The following RAPGEF1 variants were observed in gnomAD, a reference collection of about 807,000 sequenced individuals.
RAPGEF1 encodes CRK SH3-binding GNRP.
Under a neutral mutation model 143.3 loss-of-function variants are expected in RAPGEF1, and 33 were observed. That is an observed-to-expected ratio of 0.23 (90% CI 0.17 to 0.31). The LOEUF (loss-of-function observed/expected upper bound fraction) is 0.31, where lower values mean the gene tolerates loss of function less well. RAPGEF1 is among the 10% of genes least tolerant of loss of function. The probability of loss-of-function intolerance (pLI) is 1.00; values close to 1 mark genes in which losing one functional copy is unlikely to be tolerated. For synonymous variants in RAPGEF1, 629 were observed against 676.5 expected, an observed-to-expected ratio of 0.93 and a Z score of 1.09; for missense variants, 1,199 against 1,645.4, an observed-to-expected ratio of 0.73 and a Z score of 4.69.
rs748330721 is a variant in RAPGEF1, at chr9:131,650,197, C to A, written c.247G>T (p.Asp83Tyr). ...AATTCTACTGCCTGCTGCTCCAGAT[C>A]CAAGGGGAGAGGGTAGCCCTCTGGT... ...FLPEGYPLPL[D>Y]LEQQAVEFMS... The change falls in exon 3 of 27, where the codon GAT becomes TAT. Residue 83 changes from aspartate to tyrosine, a missense_variant. Around this residue, in one of 6 missense-constraint regions of RAPGEF1, gnomAD observed 613 missense variants for 710.9 expected, o/e 0.86. Coordinates refer to ENST00000683357, the MANE Select transcript of RAPGEF1 (RefSeq NM_001377935.1). This position sits in a 1 kb window ranked among gnomAD's most constrained non-coding sequence, Gnocchi z 4.7. The A allele has an allele frequency of 3.1e-6, 5 of 1,613,804 alleles. No homozygotes were observed. In the African/African-American group the frequency reaches 6.7e-5, roughly 22 times the overall value.
At chr9:131,709,598 A>G in intron 1 of RAPGEF1, 1 of 1,610,570 alleles carries the variant, frequency 6.2e-7, no homozygotes, top group South Asian at 1.1e-5. Flanking sequence ...CTTCCTGGAA[A>G]GGAAGCCCAG....
chr9:131,688,904 A>G (rs1833571831), intron 1 of RAPGEF1, among the ~76,000 whole-genome samples: 1 of 152,238 alleles, frequency 6.6e-6, no homozygotes, highest in East Asian at 1.9e-4. Flanking sequence ...TCTCAAAATA[A>G]AAATAAAAAA....
rs764902555 is a variant in RAPGEF1, at chr9:131,628,619, C to T, written c.947G>A (p.Arg316Gln). 17 of 1,612,948 alleles carry T rather than the reference C, an allele frequency of 1.1e-5. No homozygotes were observed. Among genetic ancestry groups the T allele is most frequent in the South Asian group, 6.6e-5 (6 of 91,048 alleles). ...GCTCATGGGGGCCACCACAGCCACT[C>T]GGGTAGGGGACGGCGCCGACTGTCT... ...KKRQSAPSPTRVAVVAPMSRA... is the reference protein window; with the variant it reads ...KKRQSAPSPTQVAVVAPMSRA... Residue 316 changes from arginine to glutamine, a missense_variant, in exon 8 of 27, where the codon CGA becomes CAA. Arg to Gln is a conservative substitution (Grantham distance 43). Transcript: ENST00000683357. The surrounding 1 kb of genome is among the most constrained non-coding windows in gnomAD (Gnocchi z 5.7).
intron 1 of RAPGEF1, among the ~76,000 whole-genome samples, chr9:131,658,267 A>C (rs1311351280): frequency 7.9e-5 from 12 of 152,158 alleles, no homozygotes; most frequent in Non-Finnish European, 1.6e-4. Context: ...TAGTTGCTCC[A>C]TATTCCTCCC....
At chr9:131,697,251 A>G (rs35424590) in intron 1 of RAPGEF1, among the ~76,000 whole-genome samples, 33,456 of 152,106 alleles carry the variant, frequency 0.22, 4,166 homozygotes, top group Non-Finnish European at 0.28. Flanking sequence ...GGACTCCAAG[A>G]AGGGCCCAGC....
chr9:131,679,906 G>A (rs375414333), intron 1 of RAPGEF1, among the ~76,000 whole-genome samples: 1 of 152,246 alleles, frequency 6.6e-6, no homozygotes, highest in East Asian at 1.9e-4. Flanking sequence ...AGAGGAGTTA[G>A]AAGTGGGAAG....
chr9:131,602,963 G>C (rs1418802442), intron 14 of RAPGEF1, among the ~76,000 whole-genome samples: 1 of 152,232 alleles, frequency 6.6e-6, no homozygotes, highest in Non-Finnish European at 1.5e-5. Context: ...GCCATGCGAA[G>C]CTGGCCTCTA....
At chr9:131,590,873 A>G (rs1207845000) in intron 18 of RAPGEF1, among the ~76,000 whole-genome samples, 1 of 152,266 alleles carries the variant, frequency 6.6e-6, no homozygotes, top group Non-Finnish European at 1.5e-5. Flanking sequence ...TCTCCCACCA[A>G]GCAGCCACAT....
At chr9:131,647,182 CT>C (rs1204622254) in intron 3 of RAPGEF1, among the ~76,000 whole-genome samples, 1 of 152,182 alleles carries the variant, frequency 6.6e-6, no homozygotes, top group African/African-American at 2.4e-5. Flanking sequence ...TCACAATGTA[CT>C]TTGAATTTTT....
At chr9:131,679,169 G>A (rs183545666) in intron 1 of RAPGEF1, among the ~76,000 whole-genome samples, 256 of 150,392 alleles carry the variant, frequency 1.7e-3, no homozygotes, top group Non-Finnish European at 2.2e-3. Flanking sequence ...TGTGACAAGG[G>A]GGGGGCCACA....
At chr9:131,721,273 C>A (rs923414131) in intron 1 of RAPGEF1, among the ~76,000 whole-genome samples, 2 of 152,156 alleles carry the variant, frequency 1.3e-5, no homozygotes, top group Non-Finnish European at 2.9e-5. Flanking sequence ...GTAGGGAGGA[C>A]TCTGTTAATA....
At chr9:131,607,715 T>C (rs1957335886) in intron 12 of RAPGEF1, among the ~76,000 whole-genome samples, 1 of 152,058 alleles carries the variant, frequency 6.6e-6, no homozygotes, top group African/African-American at 2.4e-5. Context: ...GCTAAACAGA[T>C]CCCCCTCACC....
chr9:131,630,641 C>T (rs1357638232), intron 5 of RAPGEF1, among the ~76,000 whole-genome samples: 1 of 152,198 alleles, frequency 6.6e-6, no homozygotes, highest in African/African-American at 2.4e-5. Flanking sequence ...CTCATCAGAA[C>T]AGGTTCCCAG....
At chr9:131,629,793 A>G (rs77487620) in intron 6 of RAPGEF1, among the ~76,000 whole-genome samples, 1 of 148,310 alleles carries the variant, frequency 6.7e-6, no homozygotes, top group Non-Finnish European at 1.5e-5. Context: ...TCTCAAAAAC[A>G]AAAAAAAAAG....
At chr9:131,632,971 G>A (rs1397025215) in intron 5 of RAPGEF1, among the ~76,000 whole-genome samples, 1 of 152,180 alleles carries the variant, frequency 6.6e-6, no homozygotes, top group Non-Finnish European at 1.5e-5. Flanking sequence ...GCCTCCCAAA[G>A]TGCTGGGATT....
At chr9:131,579,918 A>G (rs1236281046) in intron 26 of RAPGEF1, among the ~76,000 whole-genome samples, 1 of 152,180 alleles carries the variant, frequency 6.6e-6, no homozygotes, top group Non-Finnish European at 1.5e-5. Flanking sequence ...AACGCATGCC[A>G]GGGCCCGCCC....
At chr9:131,680,603 T>G (rs947020218) in intron 1 of RAPGEF1, among the ~76,000 whole-genome samples, 1 of 152,236 alleles carries the variant, frequency 6.6e-6, no homozygotes, top group African/African-American at 2.4e-5. Flanking sequence ...CTTAAGGACA[T>G]GCTCCTGCTG....
At chr9:131,670,293 G>A (rs1026809899) in intron 1 of RAPGEF1, among the ~76,000 whole-genome samples, 3 of 152,268 alleles carry the variant, frequency 2.0e-5, no homozygotes, top group Non-Finnish European at 4.4e-5. Flanking sequence ...TTTCCTCTGG[G>A]TCAGTGTTCC....
Position 131,638,539 on chromosome 9 carries a change from T to C in RAPGEF1, c.651+96A>G. On this transcript the variant is annotated intron_variant, in intron 5 of 26. Transcript: ENST00000683357. ...CCAGAGACGCAGAAAGACATTCTAA[T>C]GTTTGAAGGTCAGGAGCAAGCTCTT... 6 of 1,361,060 alleles carry C rather than the reference T, an allele frequency of 4.4e-6. No individual in the cohort carries two copies. The South Asian group carries it at 5.0e-5, about 11-fold the overall frequency. The allele number at this position is 1,361,060 out of a possible 1,614,324, so 84.3% of individuals were successfully genotyped here. A position where few individuals can be genotyped will look rare whatever the true frequency, so the allele number is the denominator to read the frequency against.
Sources: allele counts gnomAD v4.1 joint callset (sites outside exome capture counted in the v4.1 genomes callset), GRCh38; gene constraint gnomAD v4.1.1; regional missense constraint gnomAD v4.1.1; non-coding constraint Gnocchi (gnomAD v3.1); transcripts MANE v1.5; gene names NCBI Gene and HGNC (gene_info 2026-07-23, HGNC 2026-07-21).